Variants in SIPA1L2 observed in about 807,000 individuals in gnomAD.
The protein encoded by SIPA1L2 is signal-induced proliferation-associated 1-like protein 2.
SIPA1L2 carries 56 observed loss-of-function variants against 163.9 expected under a neutral mutation model. That is an observed-to-expected ratio of 0.34 (90% CI 0.28 to 0.43). SIPA1L2 has a LOEUF of 0.43. Ranked by LOEUF, SIPA1L2 falls within the 20% of genes least tolerant of loss-of-function variation. The pLI, the probability that SIPA1L2 is intolerant of heterozygous loss-of-function variation, is 1.00. For missense variants in SIPA1L2, 1,974 were observed against 2,193.5 expected (o/e 0.90, Z 2.00); for synonymous variants, 877 against 865.7 (o/e 1.01, Z -0.23).
chr1:232,491,013 G>C lies in SIPA1L2; in HGVS notation c.1667C>G (p.Ala556Gly), dbSNP rs1553299280. ...TAGTCCTCGTGCGGTACCATGCCTA[G>C]CAGTAGAGGGTATAGCATCTTCTAA... is the stretch of plus-strand genomic sequence containing the variant. ...AILEDAIPST[A>G]RHGTARGLPL... is the part of the protein sequence containing the mutation. Residue 556 changes from alanine (A) to glycine (G), a missense_variant, in exon 5 of 23, where the codon GCT becomes GGT. Physicochemically the swap from Ala to Gly is moderately conservative, Grantham distance 60. Coordinates refer to ENST00000674635, the MANE Select transcript of SIPA1L2 (RefSeq NM_020808.5). 2 of 1,613,996 alleles carry C rather than the reference G, an allele frequency of 1.2e-6. No homozygotes were observed. Among genetic ancestry groups the C allele is most frequent in the Non-Finnish European group, 1.7e-6 (2 of 1,179,996 alleles).
Position 232,590,602 on chromosome 1 carries a change from C to T in SIPA1L2, c.-318-16380G>A, listed in dbSNP as rs73097697. Among the ~76,000 whole-genome samples, 126 of 152,308 alleles carry T rather than the reference C, an allele frequency of 8.3e-4. 1 individual carries two copies. The highest frequency in any genetic ancestry group is 3.0e-3 in the African/African-American group (123 of 41,560). ...TCTCGGGCCCTACCTACTTCCTGAA[C>T]GGGAACATGGCTTAGAGAAGCACAT... On this transcript the variant is annotated intron_variant, in intron 1 of 22. Transcript: ENST00000674635.
chr1:232,493,509 G>A lies in SIPA1L2; in HGVS notation c.1617+18C>T, dbSNP rs772418313. 13 of 1,613,544 alleles carry A rather than the reference G, an allele frequency of 8.1e-6. No individual in the cohort carries two copies. Among genetic ancestry groups the A allele is most frequent in the Admixed American group, 6.7e-5 (4 of 59,980 alleles). ...GTTTAGACTTTAGCCCAATAACTAC[G>A]GCAAGCAGCCCCATTACCTCACTTG... On this transcript the variant is annotated intron_variant, in intron 4 of 22. Coordinates refer to ENST00000674635, the MANE Select transcript of SIPA1L2 (RefSeq NM_020808.5).
At chr1:232,417,122 C>T (rs1044383392) in intron 18 of SIPA1L2, among the ~76,000 whole-genome samples, 2 of 152,156 alleles carry the variant, frequency 1.3e-5, no homozygotes, top group African/African-American at 2.4e-5. Context: ...TAACCAAATG[C>T]ACCTGTAATT....
At chr1:232,442,445 G>A (rs1662959987) in intron 12 of SIPA1L2, among the ~76,000 whole-genome samples, 1 of 151,504 alleles carries the variant, frequency 6.6e-6, no homozygotes, top group Non-Finnish European at 1.5e-5. Context: ...CTACCCAGGA[G>A]GCTGAGGCAG....
At chr1:232,611,463 T>C (rs1573173396) in intron 1 of SIPA1L2, among the ~76,000 whole-genome samples, 1 of 152,146 alleles carries the variant, frequency 6.6e-6, no homozygotes, top group Non-Finnish European at 1.5e-5. Flanking sequence ...TTGAATGGCT[T>C]TGACCAAAAG....
intron 1 of SIPA1L2, among the ~76,000 whole-genome samples, chr1:232,574,814 G>A (rs917918800): frequency 1.4e-4 from 22 of 152,042 alleles, no homozygotes; most frequent in African/African-American, 4.8e-4. Context: ...AATGATAATG[G>A]CGATGGTCAA....
chr1:232,487,223 C>T (rs1301549733), intron 5 of SIPA1L2, among the ~76,000 whole-genome samples: 1 of 152,172 alleles, frequency 6.6e-6, no homozygotes, highest in Non-Finnish European at 1.5e-5. Context: ...ATTTCCAAGG[C>T]CAGAAGCTTT....
intron 2 of SIPA1L2, among the ~76,000 whole-genome samples, chr1:232,524,704 G>A (rs1030619491): frequency 3.3e-5 from 5 of 151,882 alleles, no homozygotes; most frequent in Admixed American, 1.3e-4. Flanking sequence ...TCAACTTGAG[G>A]ATTTATAATA....
intron 1 of SIPA1L2, among the ~76,000 whole-genome samples, chr1:232,605,680 C>A (rs373689039): frequency 6.7e-6 from 1 of 148,224 alleles, no homozygotes; most frequent in East Asian, 2.0e-4. Flanking sequence ...GGCGACAGAG[C>A]GAGATTCTGT....
chr1:232,448,282 A>G (rs1408847801), intron 10 of SIPA1L2, among the ~76,000 whole-genome samples: 1 of 152,224 alleles, frequency 6.6e-6, no homozygotes, highest in Non-Finnish European at 1.5e-5. Flanking sequence ...GGAAGACTAG[A>G]TAAGTCTCAA....
chr1:232,586,253 GGAGTCA>G (rs1660648848), intron 1 of SIPA1L2, among the ~76,000 whole-genome samples: 2 of 152,208 alleles, frequency 1.3e-5, no homozygotes, highest in East Asian at 3.9e-4. Flanking sequence ...TGTGTCCAGA[GGAGTCA>G]ATTAAAAAGA....
At chr1:232,520,503 C>A (rs1667415333) in intron 2 of SIPA1L2, among the ~76,000 whole-genome samples, 1 of 152,166 alleles carries the variant, frequency 6.6e-6, no homozygotes, top group South Asian at 2.1e-4. Flanking sequence ...TCGACGTTTT[C>A]CATGAGACAT....
chr1:232,504,407 G>A lies in SIPA1L2; in HGVS notation c.1483+9450C>T, dbSNP rs185345026. 4.9e-4 allele frequency among the ~76,000 whole-genome samples: 74 copies of A among 151,908 alleles called. 1 individual carries two copies. In the East Asian group the frequency reaches 9.8e-3, roughly 20 times the overall value. On this transcript the variant is annotated intron_variant, in intron 3 of 22. Transcript: ENST00000674635. ...AAACGAACTAGCCAGGCATGGTGGCGCATGCCTGTAGTTCCAGCTACTCGG... is the reference window on the plus strand; with the variant it reads ...AAACGAACTAGCCAGGCATGGTGGCACATGCCTGTAGTTCCAGCTACTCGG...
chr1:232,399,011 A>C lies in SIPA1L2; in HGVS notation c.*116T>G. The C allele has an allele frequency of 1.4e-6, 2 of 1,430,196 alleles. No homozygotes were observed. Among genetic ancestry groups the C allele is most frequent in the South Asian group, 2.7e-5 (2 of 75,390 alleles). 88.6% of individuals were successfully genotyped at this position (1,430,196 alleles called of 1,614,324 possible). A position where few individuals can be genotyped will look rare whatever the true frequency, so the allele number is the denominator to read the frequency against. On this transcript the variant is annotated 3_prime_UTR_variant, in exon 23 of 23. Coordinates refer to ENST00000674635, the MANE Select transcript of SIPA1L2 (RefSeq NM_020808.5). ...TGCTGTGGTGAATGGTGCTACACAGAATGGAACAGCAAAAACATCTACGAT... is the reference window on the plus strand; with the variant it reads ...TGCTGTGGTGAATGGTGCTACACAGCATGGAACAGCAAAAACATCTACGAT...
At chr1:232,533,726 T>TA (rs1228460501) in intron 2 of SIPA1L2, among the ~76,000 whole-genome samples, 5 of 152,278 alleles carry the variant, frequency 3.3e-5, no homozygotes, top group East Asian at 1.9e-4. Flanking sequence ...ATACACAACT[T>TA]AGAGTGTTCC....
At chr1:232,628,104 T>C (rs767689056) in intron 1 of SIPA1L2, among the ~76,000 whole-genome samples, 1 of 152,258 alleles carries the variant, frequency 6.6e-6, no homozygotes, top group Non-Finnish European at 1.5e-5. Flanking sequence ...TGCCGTGATC[T>C]TGCTTTAGAA....
At chr1:232,413,058 C>T (rs1487148053) in intron 19 of SIPA1L2, among the ~76,000 whole-genome samples, 1 of 152,200 alleles carries the variant, frequency 6.6e-6, no homozygotes, top group Non-Finnish European at 1.5e-5. Flanking sequence ...CCAACTACCA[C>T]CCATACTCTT....
chr1:232,462,233 A>C, intron 9 of SIPA1L2: 2 of 1,551,044 alleles, frequency 1.3e-6, no homozygotes, highest in South Asian at 2.4e-5. Context: ...ACATGGGCTC[A>C]TTAAGTATCA....
chr1:232,414,103 AAGGCAGAC>A (rs3059622), intron 19 of SIPA1L2, among the ~76,000 whole-genome samples: 4 of 152,144 alleles, frequency 2.6e-5, no homozygotes, highest in African/African-American at 4.8e-5. Flanking sequence ...GTCTCCCCAC[AAGGCAGAC>A]AGGCAGACAG....
Sources: allele counts gnomAD v4.1 joint callset (sites outside exome capture counted in the v4.1 genomes callset), GRCh38; gene constraint gnomAD v4.1.1; transcripts MANE v1.5; gene names NCBI Gene and HGNC (gene_info 2026-07-23, HGNC 2026-07-21).